SLC24A2: variants seen among roughly 807,000 people sequenced by gnomAD.
SLC24A2 encodes the protein solute carrier family 24 member 2, also known as sodium/potassium/calcium exchanger 2.
Under a neutral mutation model 62.0 loss-of-function variants are expected in SLC24A2, and 36 were observed. That is an observed-to-expected ratio of 0.58 (90% CI 0.44 to 0.77). SLC24A2 has a LOEUF of 0.77. Ranked by LOEUF, SLC24A2 falls within the 30% of genes least tolerant of loss-of-function variation. SLC24A2 has a pLI of 0.00. For missense variants in SLC24A2, 846 were observed against 817.9 expected (o/e 1.03, Z -0.42); for synonymous variants, 358 against 294.0 (o/e 1.22, Z -2.23).
the SLC24A2 span, among the ~76,000 whole-genome samples, chr9:19,842,206 A>C: frequency 1.3e-5 from 2 of 152,226 alleles, no homozygotes; most frequent in Non-Finnish European, 2.9e-5. Context: ...GGACCCTCAG[A>C]ATGCCCTATC....
the SLC24A2 span, among the ~76,000 whole-genome samples, chr9:20,275,953 C>G: frequency 2.6e-5 from 4 of 152,084 alleles, no homozygotes; most frequent in Admixed American, 2.6e-4. Flanking sequence ...CCCCATGATA[C>G]AATTACCTCC....
At chr9:20,072,540 T>C in the SLC24A2 span, among the ~76,000 whole-genome samples, 34 of 152,266 alleles carry the variant, frequency 2.2e-4, 1 homozygote, top group East Asian at 4.1e-3. Context: ...TATTGTGATC[T>C]GTATATAACA....
chr9:19,728,882 C>T (rs1821252690), intron 2 of SLC24A2, among the ~76,000 whole-genome samples: 1 of 152,086 alleles, frequency 6.6e-6, no homozygotes, highest in African/African-American at 2.4e-5. Context: ...AGCCAAGCAG[C>T]ACACCAAAAG....
chr9:20,194,640 T>C, the SLC24A2 span, among the ~76,000 whole-genome samples: 1 of 152,200 alleles, frequency 6.6e-6, no homozygotes, highest in East Asian at 1.9e-4. Context: ...CCATTTGGAA[T>C]ATATTATTAA....
In SLC24A2 at chr9:19,746,094, GT is replaced by G. The variant is rs534807582; in HGVS notation, c.930+39842del. 4.9e-3 allele frequency among the ~76,000 whole-genome samples: 727 copies of G among 148,924 alleles called. 4 individuals carry two copies. The highest frequency in any genetic ancestry group is 7.0e-3 in the Middle Eastern group (2 of 286). On this transcript the variant is annotated intron_variant, in intron 2 of 10. Transcript: ENST00000341998. Reference sequence around the variant, plus strand: ...ATCATGCATTTCCCTCCTCCAATCTGTTTTTTTTTCTCTCTTTTTTTTTTTA... The same window carrying G: ...ATCATGCATTTCCCTCCTCCAATCTGTTTTTTTTCTCTCTTTTTTTTTTTA...
At chr9:19,820,019 A>G in the SLC24A2 span, among the ~76,000 whole-genome samples, 41 of 65,714 alleles carry the variant, frequency 6.2e-4, no homozygotes, top group African/African-American at 1.6e-3. Flanking sequence ...GTATATATAT[A>G]TATATACACA....
chr9:19,510,047 G>C lies in SLC24A2; in HGVS notation c.*6106C>G, dbSNP rs974600526. On this transcript the variant is annotated 3_prime_UTR_variant, in exon 11 of 11. Coordinates refer to ENST00000341998, the MANE Select transcript of SLC24A2 (RefSeq NM_020344.4). ...TTGATTCCTCTTGATAAATTAGTGG[G>C]TAAGTACAGGCCCAGAGTTTTGGAG... 1 of 152,080 alleles carries C rather than the reference G, an allele frequency of 6.6e-6. No homozygotes were observed. The highest frequency in any genetic ancestry group is 6.6e-5 in the Admixed American group (1 of 15,256). 9.4% of individuals were successfully genotyped at this position (152,080 alleles called of 1,614,324 possible).
At chr9:19,976,216 T>C in the SLC24A2 span, among the ~76,000 whole-genome samples, 1 of 152,176 alleles carries the variant, frequency 6.6e-6, no homozygotes, top group Non-Finnish European at 1.5e-5. Context: ...AAACAATTAT[T>C]GTTATAGCTT....
At chr9:19,638,736 G>A (rs1741647380) in intron 2 of SLC24A2, among the ~76,000 whole-genome samples, 1 of 152,064 alleles carries the variant, frequency 6.6e-6, no homozygotes, top group African/African-American at 2.4e-5. Flanking sequence ...ATTAAAATGT[G>A]GATGACAGCT....
the SLC24A2 span, among the ~76,000 whole-genome samples, chr9:19,965,736 G>A: frequency 6.6e-6 from 1 of 152,146 alleles, no homozygotes; most frequent in Non-Finnish European, 1.5e-5. Context: ...GGATCAAAAA[G>A]CAGGAATTTT....
chr9:19,524,028 T>G (rs1196974768), intron 9 of SLC24A2, among the ~76,000 whole-genome samples: 1 of 146,936 alleles, frequency 6.8e-6, no homozygotes, highest in Non-Finnish European at 1.5e-5. Flanking sequence ...GTAAAGATGA[T>G]GGGCACATGG....
chr9:19,544,525 T>A (rs1247215460), intron 8 of SLC24A2, among the ~76,000 whole-genome samples: 1 of 152,136 alleles, frequency 6.6e-6, no homozygotes, highest in Non-Finnish European at 1.5e-5. Flanking sequence ...TTTATAGTGT[T>A]GATGGTCTTT....
the SLC24A2 span, among the ~76,000 whole-genome samples, chr9:19,971,132 C>G: frequency 6.6e-6 from 1 of 152,162 alleles, no homozygotes; most frequent in African/African-American, 2.4e-5. Flanking sequence ...TTTGCATTAT[C>G]CTTCTGCTCG....
intron 2 of SLC24A2, among the ~76,000 whole-genome samples, chr9:19,770,618 T>C (rs1438795700): frequency 2.6e-5 from 4 of 152,212 alleles, no homozygotes; most frequent in Admixed American, 6.5e-5. Context: ...TCCCACTTCC[T>C]GATGGAGAAA....
the SLC24A2 span, among the ~76,000 whole-genome samples, chr9:19,918,151 T>C: frequency 1.3e-5 from 2 of 151,604 alleles, no homozygotes; most frequent in East Asian, 1.9e-4. Context: ...TGTGTGTGTG[T>C]GTGTGTGTGT....
chr9:20,012,310 G>C, the SLC24A2 span, among the ~76,000 whole-genome samples: 1 of 152,164 alleles, frequency 6.6e-6, no homozygotes, highest in Admixed American at 6.5e-5. Context: ...CAAGAGACAA[G>C]AGCTTGTGCA....
At chr9:19,683,175 T>C (rs1192818897) in intron 2 of SLC24A2, among the ~76,000 whole-genome samples, 2 of 151,986 alleles carry the variant, frequency 1.3e-5, no homozygotes, top group Admixed American at 6.6e-5. Flanking sequence ...ACTTACTGTA[T>C]GCTAGACGCT....
At chr9:19,791,466 A>C (rs1371228146), upstream of SLC24A2, among the ~76,000 whole-genome samples, 2 of 152,216 alleles carry the variant, frequency 1.3e-5, no homozygotes, top group African/African-American at 4.8e-5. Context: ...AGGGGGAGAT[A>C]AATGTTGTGG....
At position 19,510,738 on chromosome 9, in the gene SLC24A2, A is replaced by G. The variant is rs993635799; in HGVS notation, c.*5415T>C. ...AGGTTTTCCAGTCTGTCAATGAATG[A>G]TCTGGTAGAAGTGCTTTGGCTTAGA... On this transcript the variant is annotated 3_prime_UTR_variant, in exon 11 of 11. Coordinates refer to ENST00000341998, the MANE Select transcript of SLC24A2 (RefSeq NM_020344.4). 1.3e-5 allele frequency: 2 copies of G among 152,240 alleles called. No individual in the cohort carries two copies. Among genetic ancestry groups the G allele is most frequent in the Non-Finnish European group, 2.9e-5 (2 of 68,050 alleles). 9.4% of individuals were successfully genotyped at this position (152,240 alleles called of 1,614,324 possible).
Sources: gnomAD v4.1 joint callset for allele counts (sites outside exome capture counted in the v4.1 genomes callset) on GRCh38, gnomAD v4.1.1 for gene constraint, MANE v1.5 for transcripts, NCBI Gene and HGNC (gene_info 2026-07-23, HGNC 2026-07-21) for gene names.